CFAP65: variants seen among roughly 807,000 people sequenced by gnomAD.
The protein encoded by CFAP65 is cilia and flagella associated protein 65.
In CFAP65, 155 loss-of-function variants were observed where a neutral mutation model predicts 208.0. The observed-to-expected ratio is 0.75, with a 90% CI of 0.65 to 0.85. CFAP65 has a LOEUF of 0.85. Among genes scored for constraint, CFAP65 ranks in the 40% least tolerant of loss-of-function variants. The pLI is 0.00. For synonymous variants in CFAP65, 970 were observed against 986.3 expected (o/e 0.98, Z 0.31); for missense variants, 2,294 against 2,451.3 (o/e 0.94, Z 1.36).
At chr2:219,036,271 C>T (rs111724328) in intron 4 of CFAP65, among the ~76,000 whole-genome samples, 88 of 152,226 alleles carry the variant, frequency 5.8e-4, no homozygotes, top group Non-Finnish European at 5.1e-4. Flanking sequence ...CCATGTGCGG[C>T]GTCTCCATCT....
In CFAP65 at chr2:219,031,105, C is replaced by T; in HGVS notation, c.1015+1G>A. The T allele has an allele frequency of 6.3e-7, 1 of 1,581,088 alleles. No homozygotes were observed. Among genetic ancestry groups the T allele is most frequent in the Non-Finnish European group, 8.6e-7 (1 of 1,163,362 alleles). Reference sequence around the variant, plus strand: ...GGGGACGGTGGGAGGTTGGGCCTCACCCACAGCCTGCAGCTGGATGCTGCT... The same window carrying T: ...GGGGACGGTGGGAGGTTGGGCCTCATCCACAGCCTGCAGCTGGATGCTGCT... On this transcript the variant is annotated splice_donor_variant, in intron 8 of 34. Transcript: ENST00000341552. LOFTEE classifies it high-confidence loss of function. The surrounding 1 kb of genome is among the most constrained non-coding windows in gnomAD (Gnocchi z 5.2).
chr2:219,011,000 CA>C lies in CFAP65; in HGVS notation c.3958-5del. ...CACCATTATACAGCTCATAAATCTG[CA>C]GGGGGCAGGAATAGGAAAATTGCCA... On this transcript the variant is annotated splice_region_variant and splice_polypyrimidine_tract_variant and intron_variant, in intron 24 of 34. Coordinates refer to ENST00000341552, the MANE Select transcript of CFAP65 (RefSeq NM_194302.4). 6.3e-7 allele frequency: 1 copy of C among 1,595,000 alleles called. No homozygotes were observed. The highest frequency in any genetic ancestry group is 8.6e-7 in the Non-Finnish European group (1 of 1,165,662).
intron 21 of CFAP65, chr2:219,018,802 T>C (rs775230358): frequency 1.2e-4 from 65 of 527,476 alleles, no homozygotes; most frequent in Non-Finnish European, 2.0e-4. Context: ...TTAAGGCCAC[T>C]ATGCCCAGGC....
In CFAP65 at chr2:219,027,903, A is replaced by G. The variant is rs374314574; in HGVS notation, c.1958T>C (p.Val653Ala). 32 of 1,534,564 alleles carry G rather than the reference A, an allele frequency of 2.1e-5. No homozygotes were observed. In the East Asian group the frequency reaches 5.0e-4, roughly 24 times the overall value. ...DITIFPPPIS[V>A]EPVEVDFGAC... ...ACCGAAGTCTACCTCGACAGGCTCT[A>G]CACTGATGGGCGGGGGGAAGATGGT... The change falls in exon 13 of 35, where the codon GTA becomes GCA. Residue 653 changes from valine to alanine, a missense_variant. Coordinates refer to ENST00000341552, the MANE Select transcript of CFAP65 (RefSeq NM_194302.4).
chr2:219,013,582 G>A lies in CFAP65; in HGVS notation c.3783C>T (p.His1261=), dbSNP rs756855581. Residue 1261 remains histidine (H), a synonymous_variant, in exon 23 of 35, where the codon CAC becomes CAT. Coordinates refer to ENST00000341552, the MANE Select transcript of CFAP65 (RefSeq NM_194302.4). ...GGAGGTGATCAGTACCGATGAACAG[G>A]TGGCTAGAAAGAAACAGATAAGTCT... ...QEQMVELKYS[H]LFIGTDHLPV... 4 of 1,598,222 alleles carry A rather than the reference G, an allele frequency of 2.5e-6. No homozygotes were observed. The South Asian group carries it at 4.6e-5, about 18-fold the overall frequency.
At chr2:219,035,130 C>A (rs1240352569) in intron 5 of CFAP65, 7 of 504,834 alleles carry the variant, frequency 1.4e-5, no homozygotes, top group Non-Finnish European at 2.3e-5. Flanking sequence ...TCATAAGACT[C>A]CAAAATCACG....
chr2:219,005,708 G>T, intron 31 of CFAP65, 146 bp from the exon 32 acceptor site: 1 of 947,052 alleles, frequency 1.1e-6, no homozygotes, highest in Non-Finnish European at 1.6e-6. Flanking sequence ...GTGCTACTGG[G>T]TTCAGAGAAC....
At chr2:219,011,632 T>C (rs190615650) in intron 24 of CFAP65, among the ~76,000 whole-genome samples, 28 of 152,254 alleles carry the variant, frequency 1.8e-4, no homozygotes, top group Middle Eastern at 3.4e-3. Context: ...TCTGAGGGAC[T>C]AAAGACCAAC....
intron 9 of CFAP65, 87 bp downstream of exon 9, chr2:219,030,602 A>G: frequency 6.6e-7 from 1 of 1,525,814 alleles, no homozygotes; most frequent in East Asian, 2.3e-5. Context: ...CATGGAGAGA[A>G]AGGGGGGGCA....
At chr2:219,010,433 C>T (rs1946394240) in intron 26 of CFAP65, 113 bp downstream of exon 26, 1 of 1,162,214 alleles carries the variant, frequency 8.6e-7, no homozygotes, top group Non-Finnish European at 1.2e-6. Context: ...GCCTCTGTCC[C>T]TCCTCAACTA....
Position 219,031,644 on chromosome 2 carries a change from G to T in CFAP65, c.660C>A (p.Asp220Glu). The stretch of plus-strand genomic sequence containing the variant: ...CCTCCGCTTTCTCAAACCACAGCTG[G>T]TCCATGTACTCCTTCTGCAGTGTGA... ...FRPLEAKEYM[D>E]QLWFEKAEGM... Residue 220 changes from aspartate to glutamate, a missense_variant, in exon 7 of 35, where the codon GAC becomes GAA. By Grantham distance (45) the Asp-to-Glu change is conservative. Around this residue, in one of 2 missense-constraint regions of CFAP65, gnomAD observed 867 missense variants for 1,012.6 expected, o/e 0.86. Transcript: ENST00000341552. This position sits in a 1 kb window ranked among gnomAD's most constrained non-coding sequence, Gnocchi z 5.2. The T allele has an allele frequency of 1.2e-6, 2 of 1,610,836 alleles. No individual in the cohort carries two copies. Among genetic ancestry groups the T allele is most frequent in the Non-Finnish European group, 1.7e-6 (2 of 1,178,326 alleles).
chr2:219,033,445 C>T (rs1948172874), intron 5 of CFAP65, among the ~76,000 whole-genome samples: 1 of 151,156 alleles, frequency 6.6e-6, no homozygotes, highest in Admixed American at 6.6e-5. Flanking sequence ...CACTATACTC[C>T]AGCCTGGGCA....
At chr2:219,024,393 C>A in intron 14 of CFAP65, 133 bp from the exon 15 acceptor site, 1 of 1,092,764 alleles carries the variant, frequency 9.2e-7, no homozygotes, top group Non-Finnish European at 1.3e-6. Context: ...GCCCAGTCAA[C>A]GCCCTGGGAA....
chr2:219,002,954 G>A lies in CFAP65; in HGVS notation c.5761C>T (p.Pro1921Ser), dbSNP rs1345108017. 6.4e-7 allele frequency: 1 copy of A among 1,567,048 alleles called. No homozygotes were observed. The highest frequency in any genetic ancestry group is 1.2e-5 in the South Asian group (1 of 85,160). Reference protein sequence around the residue: ...AEVLHPVVPLPTDLP With the variant: ...AEVLHPVVPLSTDLP ...GCGGGCATTTACGGAAGGTCGGTAG[G>A]AAGTGGCACCACCGGGTGGAGTACC... The change falls in exon 35 of 35, where the codon CCT becomes TCT. Residue 1921 changes from proline to serine, a missense_variant. Transcript: ENST00000341552. This position sits in a 1 kb window ranked among gnomAD's most constrained non-coding sequence, Gnocchi z 7.9.
In CFAP65 at chr2:219,003,324, C is replaced by G; in HGVS notation, c.5556-52G>C. 6.8e-7 allele frequency: 1 copy of G among 1,472,918 alleles called. No homozygotes were observed. The highest frequency in any genetic ancestry group is 9.0e-7 in the Non-Finnish European group (1 of 1,111,560). The allele number at this position is 1,472,918 out of a possible 1,614,324, so 91.2% of individuals were successfully genotyped here. On this transcript the variant is annotated intron_variant, in intron 33 of 34. Transcript: ENST00000341552. This position sits in a 1 kb window ranked among gnomAD's most constrained non-coding sequence, Gnocchi z 4.4. The stretch of plus-strand genomic sequence containing the variant: ...GGGCGGCCGCAGTGCCCGCGCGCCT[C>G]CTCGCTCGCCTGTCCGTGCGGTACA...
At chr2:219,005,921 C>G (rs1945937404) in intron 31 of CFAP65, 100 bp downstream of exon 31, 1 of 1,209,938 alleles carries the variant, frequency 8.3e-7, no homozygotes, top group Non-Finnish European at 1.2e-6. Context: ...TGCCCATGCT[C>G]CACCCCTCAC....
At chr2:219,016,562 T>A (rs1946898988) in intron 21 of CFAP65, among the ~76,000 whole-genome samples, 2 of 152,138 alleles carry the variant, frequency 1.3e-5, no homozygotes. Context: ...CCCAAAGTGC[T>A]GAGATTACAG....
chr2:219,009,890 T>C, intron 27 of CFAP65, 52 bp downstream of exon 27: 1 of 1,517,498 alleles, frequency 6.6e-7, no homozygotes. Flanking sequence ...TCAGGTGGGG[T>C]TGGATGGGTC....
At chr2:219,040,492 AC>A (rs1948600809) in intron 2 of CFAP65, 26 bp downstream of exon 2, 2 of 1,195,658 alleles carry the variant, frequency 1.7e-6, no homozygotes, top group Non-Finnish European at 2.4e-6. Context: ...TGTGCTAGGC[AC>A]CAGACAAGGC....
Sources: allele counts gnomAD v4.1 joint callset (sites outside exome capture counted in the v4.1 genomes callset), GRCh38; gene constraint gnomAD v4.1.1; regional missense constraint gnomAD v4.1.1; non-coding constraint Gnocchi (gnomAD v3.1); transcripts MANE v1.5; gene names NCBI Gene and HGNC (gene_info 2026-07-23, HGNC 2026-07-21).